Variants in STS observed in about 807,000 individuals in gnomAD.
The protein encoded by STS is steryl-sulfatase.
In STS, 7 loss-of-function variants were observed where a neutral mutation model predicts 26.8. The observed-to-expected ratio is 0.26, with a 90% CI of 0.15 to 0.49. The LOEUF is 0.49. Ranked by LOEUF, STS falls within the 20% of genes least tolerant of loss-of-function variation. STS has a pLI of 0.98. For missense variants in STS, 434 were observed against 465.6 expected (o/e 0.93, Z 0.63); for synonymous variants, 199 against 189.4 (o/e 1.05, Z -0.42).
chrX:7,162,775 A>C (rs1933270374), intron 1 of STS, among the ~76,000 whole-genome samples: 1 of 106,223 alleles, frequency 9.4e-6, no homozygotes, highest in Admixed American at 1.0e-4. Context: ...GGCCGGGCGC[A>C]GTGGCTCACG....
intron 2 of STS, among the ~76,000 whole-genome samples, chrX:7,192,292 G>C (rs1396226023): frequency 8.9e-6 from 1 of 111,824 alleles, no homozygotes; most frequent in Non-Finnish European, 1.9e-5. Flanking sequence ...TGCTGGGCCC[G>C]GTGGCTCAGG....
At chrX:7,190,418 T>C (rs1933851809) in intron 1 of STS, among the ~76,000 whole-genome samples, 2 of 111,522 alleles carry the variant, frequency 1.8e-5, no homozygotes, top group Non-Finnish European at 3.8e-5. Flanking sequence ...TTGGCTCACC[T>C]GTTGTTTACT....
At position 7,275,960 on chromosome X, in the gene STS, G is replaced by A. The variant is rs1924511693; in HGVS notation, c.816G>A (p.Glu272=). ...TTTTTTTTTTTTGCAGGAACACTGA[G>A]ACTCCGTTCCTGCTTGTCTTGTCCT... The part of the protein sequence containing the change: ...EAAQFIQRNT[E]TPFLLVLSYL... Residue 272 remains glutamate, a synonymous_variant, in exon 7 of 11, where the codon GAG becomes GAA. Coordinates refer to ENST00000674429, the MANE Select transcript of STS (RefSeq NM_001320752.2). The A allele has an allele frequency of 8.9e-7, 1 of 1,125,529 alleles. No homozygotes were observed. The highest frequency in any genetic ancestry group is 2.5e-5 in the Admixed American group (1 of 39,858). The allele number at this position is 1,125,529 out of a possible 1,213,427, so 92.8% of individuals were successfully genotyped here. A position where few individuals can be genotyped will look rare whatever the true frequency, so the allele number is the denominator to read the frequency against.
chrX:7,155,263 T>A (rs933326691), intron 1 of STS, among the ~76,000 whole-genome samples: 3 of 112,028 alleles, frequency 2.7e-5, no homozygotes, highest in Non-Finnish European at 5.6e-5. Flanking sequence ...CAAACACACT[T>A]TAGAAATACC....
At chrX:7,150,696 A>G (rs1168542194) in intron 1 of STS, among the ~76,000 whole-genome samples, 5 of 110,636 alleles carry the variant, frequency 4.5e-5, no homozygotes, top group African/African-American at 1.3e-4. Context: ...TACACTTTTC[A>G]GTAACATCAC....
chrX:7,250,182 C>T (rs1369699184), intron 2 of STS, among the ~76,000 whole-genome samples: 1 of 110,768 alleles, frequency 9.0e-6, no homozygotes, highest in Non-Finnish European at 1.9e-5. Flanking sequence ...CCCTGCTCGG[C>T]CTCCCAAAGC....
At position 7,325,423 on chromosome X, in the gene STS, T is replaced by C; in HGVS notation, c.1166T>C (p.Ile389Thr). 2.5e-6 allele frequency: 3 copies of C among 1,211,331 alleles called. No homozygotes were observed. The highest frequency in any genetic ancestry group is 3.4e-6 in the Non-Finnish European group (3 of 895,291). ...AGGGTGATACAGGCTGGCCAGAAGA[T>C]TGATGAGCCCACTAGCAACATGGAC... ...WPRVIQAGQK[I>T]DEPTSNMDIF... The change falls in exon 9 of 11, where the codon ATT becomes ACT. Residue 389 changes from isoleucine to threonine, a missense_variant. Ile to Thr is a moderately conservative substitution (Grantham distance 89). Transcript: ENST00000674429.
chrX:7,179,484 C>G (rs1933641824), intron 1 of STS, among the ~76,000 whole-genome samples: 2 of 112,506 alleles, frequency 1.8e-5, no homozygotes, highest in Non-Finnish European at 3.7e-5. Flanking sequence ...TGGTAACTAG[C>G]TTTCTCTAGT....
rs1933635091 is a variant in STS at position 7,179,201 on chromosome X, G to A, written c.-133-11679G>A. ...GCCTTCTCTAGTCCTCATGAAAGTG[G>A]TAACTGGCTTTCTCTAGTCCTTCTC... On this transcript the variant is annotated intron_variant, in intron 1 of 10. Coordinates refer to ENST00000674429, the MANE Select transcript of STS (RefSeq NM_001320752.2). 1.8e-5 allele frequency among the ~76,000 whole-genome samples: 2 copies of A among 110,444 alleles called. 1 individual carries two copies. The highest frequency in any genetic ancestry group is 7.8e-4 in the South Asian group (2 of 2,572).
chrX:7,240,456 AGC>A (rs1285979982), intron 2 of STS, among the ~76,000 whole-genome samples: 4 of 70,793 alleles, frequency 5.7e-5, no homozygotes, highest in East Asian at 4.9e-4. Context: ...TTCTCCAAGG[AGC>A]GCGCGCGCAC....
chrX:7,194,636 C>CGTA (rs1206290206), intron 2 of STS, among the ~76,000 whole-genome samples: 2 of 111,426 alleles, frequency 1.8e-5, no homozygotes, highest in East Asian at 5.6e-4. Context: ...AAAATCCTCC[C>CGTA]GTAGTTGACC....
rs906170021 is a variant in STS at position 7,346,460 on chromosome X, A to C, written c.1364-3428A>C. ...ACTACTTAGACTACTTAAACAAGTAAAAAAAAAAAAAAAAAAAAAACTGTC... is the reference window on the plus strand; with the variant it reads ...ACTACTTAGACTACTTAAACAAGTACAAAAAAAAAAAAAAAAAAAACTGTC... On this transcript the variant is annotated intron_variant, in intron 10 of 10. Coordinates refer to ENST00000674429, the MANE Select transcript of STS (RefSeq NM_001320752.2). Among the ~76,000 whole-genome samples the C allele has an allele frequency of 5.2e-4, 5 of 9,702 alleles. No homozygotes were observed. The East Asian group carries it at 0.015, about 30-fold the overall frequency. The allele number at this position is 9,702 out of a possible 115,157, so 8.4% of individuals were successfully genotyped here.
At chrX:7,338,320 A>G (rs975611782) in intron 10 of STS, among the ~76,000 whole-genome samples, 1 of 112,067 alleles carries the variant, frequency 8.9e-6, no homozygotes, top group Non-Finnish European at 1.9e-5. Flanking sequence ...TCTGTGAGAT[A>G]AATATTCACA....
intron 2 of STS, among the ~76,000 whole-genome samples, chrX:7,241,296 A>G (rs1922607945): frequency 8.9e-6 from 1 of 112,189 alleles, no homozygotes; most frequent in African/African-American, 3.2e-5. Flanking sequence ...TACAAAAATC[A>G]CAAAGCATAA....
chrX:7,203,216 A>G (rs770541111), intron 2 of STS, among the ~76,000 whole-genome samples: 1 of 112,332 alleles, frequency 8.9e-6, no homozygotes, highest in Non-Finnish European at 1.9e-5. Flanking sequence ...GAGAATTACT[A>G]TACTTAGAAC....
At chrX:7,296,166 A>G (rs12012401) in intron 7 of STS, among the ~76,000 whole-genome samples, 2,272 of 111,112 alleles carry the variant, frequency 0.02, 50 homozygotes, top group African/African-American at 0.067. Flanking sequence ...ATTGCTGGAG[A>G]AGTTCTGGCT....
chrX:7,255,770 C>T (rs1428387235), intron 3 of STS, among the ~76,000 whole-genome samples: 1 of 112,235 alleles, frequency 8.9e-6, no homozygotes, highest in South Asian at 3.7e-4. Flanking sequence ...AAGAAAAAAG[C>T]AAATTAGAAA....
chrX:7,159,813 A>G (rs2146960045), intron 1 of STS, among the ~76,000 whole-genome samples: 1 of 112,480 alleles, frequency 8.9e-6, no homozygotes, highest in South Asian at 3.7e-4. Context: ...GGAGAAATAC[A>G]TGCAGTTAAA....
intron 7 of STS, among the ~76,000 whole-genome samples, chrX:7,297,905 C>T (rs1925744262): frequency 9.0e-6 from 1 of 111,495 alleles, no homozygotes; most frequent in South Asian, 3.8e-4. Flanking sequence ...CCATCTGCCT[C>T]CCAGTTCCTT....
Sources: gnomAD v4.1 joint callset for allele counts (sites outside exome capture counted in the v4.1 genomes callset) on GRCh38, gnomAD v4.1.1 for gene constraint, MANE v1.5 for transcripts, NCBI Gene and HGNC (gene_info 2026-07-23, HGNC 2026-07-21) for gene names.